Variants in VPS54 observed in about 807,000 individuals in gnomAD.
VPS54 encodes vacuolar protein sorting-associated protein 54.
A neutral mutation model predicts 121.5 loss-of-function variants in VPS54; 45 were observed. That is an observed-to-expected ratio of 0.37 (90% confidence interval 0.29 to 0.47). The LOEUF is 0.47. Among genes scored for constraint, VPS54 ranks in the 20% least tolerant of loss-of-function variants. The pLI is 0.99. For missense variants in VPS54, 1,090 were observed against 1,131.4 expected (o/e 0.96, Z 0.52); for synonymous variants, 371 against 385.8 (o/e 0.96, Z 0.45).
intron 1 of VPS54, among the ~76,000 whole-genome samples, chr2:64,018,238 G>A (rs1185279371): frequency 1.3e-5 from 2 of 151,978 alleles, no homozygotes; most frequent in South Asian, 2.1e-4. Flanking sequence ...AAATAAAGCT[G>A]GTTAGAAGAA....
At chr2:64,013,660 T>C (rs946615604) in intron 1 of VPS54, among the ~76,000 whole-genome samples, 8 of 145,786 alleles carry the variant, frequency 5.5e-5, no homozygotes, top group African/African-American at 1.2e-4. Flanking sequence ...AGATATATAT[T>C]GATATATATA....
intron 1 of VPS54, among the ~76,000 whole-genome samples, chr2:63,992,629 T>C (rs192752066): frequency 5.0e-4 from 76 of 152,348 alleles, no homozygotes; most frequent in African/African-American, 1.8e-3. Context: ...AGTTACAACT[T>C]AGAAATTTGG....
chr2:63,999,651 CT>C (rs1677774901), intron 1 of VPS54, among the ~76,000 whole-genome samples: 1 of 152,186 alleles, frequency 6.6e-6, no homozygotes, highest in Non-Finnish European at 1.5e-5. Context: ...GAGAAGTTCT[CT>C]GTTATTATTC....
chr2:64,005,208 A>G (rs1014061031), intron 1 of VPS54, among the ~76,000 whole-genome samples: 32 of 133,928 alleles, frequency 2.4e-4, no homozygotes, highest in Middle Eastern at 0.011. Flanking sequence ...GGTTCACGCC[A>G]TTCTCCTGCC....
intron 10 of VPS54, 64 bp from the exon 11 acceptor site, chr2:63,942,625 A>G (rs1369180117): frequency 1.5e-6 from 2 of 1,317,034 alleles, no homozygotes; most frequent in African/African-American, 3.0e-5. Flanking sequence ...TAACATCTAC[A>G]AACTGGAAGA....
At chr2:63,982,235 G>T (rs538813854) in intron 2 of VPS54, among the ~76,000 whole-genome samples, 5 of 151,418 alleles carry the variant, frequency 3.3e-5, no homozygotes, top group African/African-American at 1.2e-4. Context: ...TTTCTATTAT[G>T]TATTTTCTAT....
At chr2:63,895,191 C>G (rs750890629) in intron 22 of VPS54, among the ~76,000 whole-genome samples, 2 of 152,156 alleles carry the variant, frequency 1.3e-5, no homozygotes, top group East Asian at 1.9e-4. Flanking sequence ...TGCAGTGGCT[C>G]ATACCTATAA....
intron 11 of VPS54, among the ~76,000 whole-genome samples, chr2:63,939,398 G>A (rs62136402): frequency 7.9e-5 from 12 of 151,846 alleles, no homozygotes; most frequent in South Asian, 2.1e-4. Context: ...CAAAAAAAGC[G>A]TAATACTAAA....
At chr2:64,001,824 G>A (rs912069885) in intron 1 of VPS54, among the ~76,000 whole-genome samples, 6 of 151,994 alleles carry the variant, frequency 3.9e-5, no homozygotes, top group Admixed American at 6.6e-5. Context: ...GGCTGCCTGG[G>A]CTTGGAGAAG....
chr2:63,945,930 C>T (rs759391687), intron 9 of VPS54, among the ~76,000 whole-genome samples: 8 of 152,044 alleles, frequency 5.3e-5, no homozygotes, highest in Non-Finnish European at 1.0e-4. Context: ...GAAAATTGTA[C>T]AAATTATGTT....
At chr2:63,930,447 T>C (rs1007542044) in intron 12 of VPS54, among the ~76,000 whole-genome samples, 1 of 152,176 alleles carries the variant, frequency 6.6e-6, no homozygotes, top group Non-Finnish European at 1.5e-5. Context: ...GAAAAGGCCT[T>C]TGAAAAAATT....
intron 20 of VPS54, among the ~76,000 whole-genome samples, chr2:63,911,407 G>A (rs957309861): frequency 9.2e-5 from 14 of 152,014 alleles, no homozygotes; most frequent in Non-Finnish European, 1.9e-4. Flanking sequence ...TGTAGTCTGG[G>A]GATTCCCAGA....
rs1674079642 is a variant in VPS54 at position 63,929,485 on chromosome 2, G to GT, written c.1739+4187dup. ...AAACCAATGAGAACAAAGACACAACGTACCAGAATCTCTGGGACACATTTA... is the reference window on the plus strand; with the variant it reads ...AAACCAATGAGAACAAAGACACAACGTTACCAGAATCTCTGGGACACATTTA... On this transcript the variant is annotated intron_variant, in intron 12 of 22. Coordinates refer to ENST00000272322, the MANE Select transcript of VPS54 (RefSeq NM_016516.3). 3.3e-5 allele frequency among the ~76,000 whole-genome samples: 5 copies of GT among 152,128 alleles called. No homozygotes were observed. In the South Asian group the frequency reaches 1.0e-3, roughly 32 times the overall value.
At chr2:63,909,704 G>A (rs919585814) in intron 20 of VPS54, among the ~76,000 whole-genome samples, 2 of 138,424 alleles carry the variant, frequency 1.4e-5, no homozygotes, top group African/African-American at 2.6e-5. Flanking sequence ...AGACGTAAGC[G>A]ACCTCGCCTG....
chr2:63,942,496 G>C lies in VPS54; in HGVS notation c.1367C>G (p.Ser456Cys). The change falls in exon 11 of 23, where the codon TCT (serine) becomes TGT (cysteine). Residue 456 changes from serine to cysteine, a missense_variant. Coordinates refer to ENST00000272322, the MANE Select transcript of VPS54 (RefSeq NM_016516.3). ...TCTCTGTAGGAAAATTGTAAACTTA[G>C]AGAAAATATCCTTGAGCAGATCAAA... ...QWFDLLKDIF[S>C]KFTIFLQRVK... 1 of 1,597,104 alleles carries C rather than the reference G, an allele frequency of 6.3e-7. No homozygotes were observed. The highest frequency in any genetic ancestry group is 8.5e-7 in the Non-Finnish European group (1 of 1,170,874).
rs9309357 is a variant in VPS54, at chr2:63,938,059, G to GT, written c.1399-4047_1399-4046insA. 7.0e-3 allele frequency among the ~76,000 whole-genome samples: 977 copies of GT among 140,460 alleles called. 13 individuals are homozygous for GT. Among genetic ancestry groups the GT allele is most frequent in the African/African-American group, 0.023 (831 of 36,120 alleles). The allele number at this position is 140,460 out of a possible 152,430, so 92.1% of individuals were successfully genotyped here. A position where few individuals can be genotyped will look rare whatever the true frequency, so the allele number is the denominator to read the frequency against. ...AAACGTGTGTGTGTGTGGTGTGTGT[G>GT]GTGTGTGTGTGTGTGTGTGTGTGTG... On this transcript the variant is annotated intron_variant, in intron 11 of 22. Coordinates refer to ENST00000272322, the MANE Select transcript of VPS54 (RefSeq NM_016516.3).
chr2:63,976,938 C>T (rs1429191868), intron 3 of VPS54, among the ~76,000 whole-genome samples: 1 of 147,106 alleles, frequency 6.8e-6, no homozygotes, highest in Non-Finnish European at 1.5e-5. Flanking sequence ...ACGTGATTCT[C>T]TTGCCTCAGC....
intron 12 of VPS54, among the ~76,000 whole-genome samples, chr2:63,927,566 G>T (rs1437007254): frequency 6.6e-6 from 1 of 152,204 alleles, no homozygotes; most frequent in Non-Finnish European, 1.5e-5. Flanking sequence ...AACCAGAGTA[G>T]AAATGCTGAA....
At chr2:63,996,895 G>C (rs1042602042) in intron 1 of VPS54, among the ~76,000 whole-genome samples, 8 of 152,112 alleles carry the variant, frequency 5.3e-5, no homozygotes, top group African/African-American at 1.9e-4. Context: ...TGTTGCCCTT[G>C]AAGCATGTGA....
Sources: gnomAD v4.1 joint callset for allele counts (sites outside exome capture counted in the v4.1 genomes callset) on GRCh38, gnomAD v4.1.1 for gene constraint, MANE v1.5 for transcripts, NCBI Gene and HGNC (gene_info 2026-07-23, HGNC 2026-07-21) for gene names.